Variants in KCTD8 observed in about 807,000 individuals in gnomAD.
KCTD8 encodes the protein potassium channel tetramerization domain containing 8.
In KCTD8, 27 loss-of-function variants were observed where a neutral mutation model predicts 31.5. The observed-to-expected ratio is 0.86, with a 90% CI of 0.63 to 1.18. The LOEUF (loss-of-function observed/expected upper bound fraction) is 1.18, where lower values mean the gene tolerates loss of function less well. Among genes scored for constraint, KCTD8 ranks in the 50% most tolerant of loss-of-function variants. KCTD8 has a pLI of 0.00. For synonymous variants in KCTD8, 290 were observed against 280.0 expected (o/e 1.04, Z -0.36); for missense variants, 658 against 647.7 (o/e 1.02, Z -0.17).
chr4:44,256,699 T>G (rs991989859), intron 1 of KCTD8, among the ~76,000 whole-genome samples: 1 of 151,654 alleles, frequency 6.6e-6, no homozygotes, highest in Admixed American at 6.6e-5. Context: ...GGAGGAACAG[T>G]TAGTGAGGAG....
rs117455792 is a variant in KCTD8, at chr4:44,177,544, G to T, written c.962-2294C>A. ...GGGAGGTAATTGAATCATGGGGTTG[G>T]GTCTTTCTTGTGCTGTTCTCGCTAT... On this transcript the variant is annotated intron_variant, in intron 1 of 1. Transcript: ENST00000360029. Among the ~76,000 whole-genome samples the T allele has an allele frequency of 3.1e-3, 468 of 152,146 alleles. 14 individuals carry two copies. The East Asian group carries it at 0.073, about 24-fold the overall frequency.
rs1051890500 is a variant in KCTD8 at position 44,340,244 on chromosome 4, G to T, written c.961+107319C>A. Among the ~76,000 whole-genome samples the T allele has an allele frequency of 8.6e-5, 13 of 151,176 alleles. No homozygotes were observed. The South Asian group carries it at 1.3e-3, about 15-fold the overall frequency. On this transcript the variant is annotated intron_variant, in intron 1 of 1. Coordinates refer to ENST00000360029, the MANE Select transcript of KCTD8 (RefSeq NM_198353.3). ...CATATATCCATACAAAGAATTGAAA[G>T]AATTGTACAAGAATATATTTATAAT...
intron 1 of KCTD8, among the ~76,000 whole-genome samples, chr4:44,401,063 G>A (rs1048448288): frequency 1.6e-5 from 2 of 123,984 alleles, no homozygotes; most frequent in Non-Finnish European, 3.2e-5. Context: ...ATGTTGTCTA[G>A]GCTGGACTCA....
intron 1 of KCTD8, among the ~76,000 whole-genome samples, chr4:44,187,398 C>T (rs1224610615): frequency 6.6e-6 from 1 of 152,134 alleles, no homozygotes; most frequent in East Asian, 1.9e-4. Flanking sequence ...CACATTCACC[C>T]TTCTCGTGCT....
intron 1 of KCTD8, among the ~76,000 whole-genome samples, chr4:44,301,820 G>A (rs148086599): frequency 0.016 from 2,403 of 152,152 alleles, 28 homozygotes; most frequent in South Asian, 0.039. Flanking sequence ...GGTAATGCCT[G>A]GGTTTTCTTC....
intron 1 of KCTD8, among the ~76,000 whole-genome samples, chr4:44,390,676 T>C (rs1023485692): frequency 7.2e-5 from 11 of 151,766 alleles, no homozygotes; most frequent in African/African-American, 2.7e-4. Context: ...CTGCGAAGCA[T>C]AACGCGATAC....
At chr4:44,318,706 A>G (rs890528013) in intron 1 of KCTD8, among the ~76,000 whole-genome samples, 3 of 152,186 alleles carry the variant, frequency 2.0e-5, no homozygotes, top group Non-Finnish European at 4.4e-5. Context: ...AACACATGCA[A>G]CATTTTAAAG....
intron 1 of KCTD8, among the ~76,000 whole-genome samples, chr4:44,348,826 G>A (rs1257323521): frequency 6.6e-6 from 1 of 151,988 alleles, no homozygotes; most frequent in East Asian, 1.9e-4. Flanking sequence ...TGACAGGTTG[G>A]CAGTATTTCT....
intron 1 of KCTD8, among the ~76,000 whole-genome samples, chr4:44,332,764 T>A (rs546624881): frequency 1.3e-5 from 2 of 152,040 alleles, no homozygotes; most frequent in African/African-American, 2.4e-5. Flanking sequence ...AATTCCATCA[T>A]AAATGTTTCC....
chr4:44,213,738 G>A lies in KCTD8; in HGVS notation c.962-38488C>T, dbSNP rs146774690. On this transcript the variant is annotated intron_variant, in intron 1 of 1. Coordinates refer to ENST00000360029, the MANE Select transcript of KCTD8 (RefSeq NM_198353.3). ...TTTTTTGCACCAACACTTGTTGACA[G>A]ACTGTTTATAAATCAATATGAGCCA... is the stretch of plus-strand genomic sequence containing the variant. Among the ~76,000 whole-genome samples, 249 of 152,142 alleles carry A rather than the reference G, an allele frequency of 1.6e-3. 2 individuals are homozygous for A. The highest frequency in any genetic ancestry group is 4.3e-3 in the Admixed American group (65 of 15,284).
rs912412473 is a variant in KCTD8 at position 44,174,660 on chromosome 4, T to C, written c.*130A>G. On this transcript the variant is annotated 3_prime_UTR_variant, in exon 2 of 2. Coordinates refer to ENST00000360029, the MANE Select transcript of KCTD8 (RefSeq NM_198353.3). Reference sequence around the variant, plus strand: ...AACTAAAACATAAAAGAAAATACTGTCCCACATCCACTGTTCACAACAAGG... The same window carrying C: ...AACTAAAACATAAAAGAAAATACTGCCCCACATCCACTGTTCACAACAAGG... The C allele has an allele frequency of 1.5e-6, 1 of 651,728 alleles. No homozygotes were observed. Among genetic ancestry groups the C allele is most frequent in the Non-Finnish European group, 2.5e-6 (1 of 393,574 alleles). The allele number at this position is 651,728 out of a possible 1,614,324, so 40.4% of individuals were successfully genotyped here. A position where few individuals can be genotyped will look rare whatever the true frequency, so the allele number is the denominator to read the frequency against.
chr4:44,349,256 G>A (rs775797929), intron 1 of KCTD8, among the ~76,000 whole-genome samples: 2 of 152,132 alleles, frequency 1.3e-5, no homozygotes, highest in African/African-American at 2.4e-5. Flanking sequence ...AAAAGAAGAA[G>A]GAGAAATATT....
intron 1 of KCTD8, among the ~76,000 whole-genome samples, chr4:44,386,300 A>T (rs1720209044): frequency 6.6e-6 from 1 of 151,618 alleles, no homozygotes; most frequent in Admixed American, 6.6e-5. Context: ...GCAACTGAGC[A>T]TCCATCCACA....
At chr4:44,335,605 T>C (rs1185287998) in intron 1 of KCTD8, among the ~76,000 whole-genome samples, 2 of 152,158 alleles carry the variant, frequency 1.3e-5, no homozygotes, top group African/African-American at 2.4e-5. Context: ...AGATAAATAA[T>C]CTGCTACAAA....
intron 1 of KCTD8, among the ~76,000 whole-genome samples, chr4:44,211,402 T>A (rs183294376): frequency 1.3e-5 from 2 of 152,152 alleles, no homozygotes; most frequent in South Asian, 2.1e-4. Context: ...CTGGTCTGGG[T>A]TTTTTTGTAT....
chr4:44,316,964 C>T (rs1325757269), intron 1 of KCTD8, among the ~76,000 whole-genome samples: 8 of 150,338 alleles, frequency 5.3e-5, no homozygotes, highest in African/African-American at 1.5e-4. Flanking sequence ...GGCAACAGAG[C>T]GAGACTCCAT....
intron 1 of KCTD8, among the ~76,000 whole-genome samples, chr4:44,343,049 AGTTG>A (rs1718945921): frequency 6.6e-6 from 1 of 152,184 alleles, no homozygotes; most frequent in South Asian, 2.1e-4. Flanking sequence ...TGTCCAGTGG[AGTTG>A]CACTTTTACT....
Position 44,174,839 on chromosome 4 carries a change from T to G in KCTD8, c.1373A>C (p.Glu458Ala). 1.2e-6 allele frequency: 2 copies of G among 1,613,560 alleles called. No individual in the cohort carries two copies. Among genetic ancestry groups the G allele is most frequent in the Non-Finnish European group, 1.7e-6 (2 of 1,179,784 alleles). ...TTCAGATTGCCATTGGCGTTTGCGC[T>G]CTGGAAAATAATCTGGAATGTGGAT... ...KKIHIPDYFP[E>A]RKRQWQSELL... The change falls in exon 2 of 2, where the codon GAG becomes GCG. Residue 458 changes from glutamate to alanine, a missense_variant. Coordinates refer to ENST00000360029, the MANE Select transcript of KCTD8 (RefSeq NM_198353.3).
intron 1 of KCTD8, among the ~76,000 whole-genome samples, chr4:44,370,604 T>C (rs971074119): frequency 6.6e-6 from 1 of 152,150 alleles, no homozygotes; most frequent in African/African-American, 2.4e-5. Context: ...TCAGATATCA[T>C]GTTTTCTTTC....
Sources: allele counts gnomAD v4.1 joint callset (sites outside exome capture counted in the v4.1 genomes callset), GRCh38; gene constraint gnomAD v4.1.1; transcripts MANE v1.5; gene names NCBI Gene and HGNC (gene_info 2026-07-23, HGNC 2026-07-21).